Variants in SIPA1L1 observed in about 807,000 individuals in gnomAD.
SIPA1L1 encodes the protein signal induced proliferation associated 1 like 1.
SIPA1L1 carries 26 observed loss-of-function variants against 162.7 expected under a neutral mutation model. The observed-to-expected ratio is 0.16, with a 90% CI of 0.12 to 0.22. The LOEUF (loss-of-function observed/expected upper bound fraction) is 0.22. SIPA1L1 is among the 10% of genes least tolerant of loss of function. The probability of loss-of-function intolerance (pLI) is 1.00; values close to 1 mark genes in which losing one functional copy is unlikely to be tolerated. For missense variants in SIPA1L1, 1,874 were observed against 2,241.0 expected (o/e 0.84, Z 3.31); for synonymous variants, 829 against 837.4 (o/e 0.99, Z 0.17).
chr14:71,344,777 G>T (rs1306412079), intron 2 of SIPA1L1, among the ~76,000 whole-genome samples: 1 of 152,054 alleles, frequency 6.6e-6, no homozygotes, highest in Non-Finnish European at 1.5e-5. Flanking sequence ...CGTTACACAG[G>T]CTGCTCTCCA....
At chr14:71,577,730 CTTTTTTTTT>C (rs5809525) in intron 4 of SIPA1L1, among the ~76,000 whole-genome samples, 1 of 97,158 alleles carries the variant, frequency 1.0e-5, no homozygotes, top group Non-Finnish European at 1.9e-5. Flanking sequence ...TTGGGCATGC[CTTTTTTTTT>C]TTTTTTTTTT....
intron 2 of SIPA1L1, among the ~76,000 whole-genome samples, chr14:71,424,997 G>A (rs1389828600): frequency 6.6e-6 from 1 of 151,888 alleles, no homozygotes; most frequent in Admixed American, 6.6e-5. Context: ...GTAACATTTT[G>A]TATTTCTAGG....
chr14:71,375,641 T>C (rs1405405251), intron 2 of SIPA1L1, among the ~76,000 whole-genome samples: 3 of 152,180 alleles, frequency 2.0e-5, no homozygotes, highest in Non-Finnish European at 2.9e-5. Flanking sequence ...CAAGCATTCT[T>C]GCTTTACTCT....
chr14:71,552,148 G>A (rs2055899078), intron 4 of SIPA1L1, among the ~76,000 whole-genome samples: 1 of 152,058 alleles, frequency 6.6e-6, no homozygotes, highest in South Asian at 2.1e-4. Context: ...CAGAACAAGG[G>A]CCAGAAAATA....
At chr14:71,569,329 T>C (rs1245718620) in intron 4 of SIPA1L1, among the ~76,000 whole-genome samples, 3 of 152,170 alleles carry the variant, frequency 2.0e-5, no homozygotes, top group Admixed American at 6.5e-5. Context: ...ACCCCAGGAT[T>C]GGAGGGTCCC....
chr14:71,725,915 G>A (rs2084198635), intron 19 of SIPA1L1, among the ~76,000 whole-genome samples: 1 of 152,202 alleles, frequency 6.6e-6, no homozygotes, highest in African/African-American at 2.4e-5. Context: ...ATGGAAGCTA[G>A]AATATTTCCT....
At chr14:71,329,523 G>A (rs371539973) in intron 2 of SIPA1L1, among the ~76,000 whole-genome samples, 6 of 150,534 alleles carry the variant, frequency 4.0e-5, no homozygotes, top group African/African-American at 1.2e-4. Flanking sequence ...TCACTGCAAC[G>A]TCCACCTCCC....
At chr14:71,707,935 G>A (rs1039443627) in intron 16 of SIPA1L1, among the ~76,000 whole-genome samples, 9 of 148,708 alleles carry the variant, frequency 6.1e-5, no homozygotes, top group South Asian at 4.2e-4. Context: ...GTGGCATCTC[G>A]TGGTTTTGAT....
At chr14:71,684,955 A>G (rs1262694864) in intron 12 of SIPA1L1, among the ~76,000 whole-genome samples, 2 of 152,036 alleles carry the variant, frequency 1.3e-5, no homozygotes, top group African/African-American at 4.8e-5. Flanking sequence ...ACACCCTTTC[A>G]GAACCCAGTT....
Position 71,709,657 on chromosome 14 carries a change from C to A in SIPA1L1, c.4201C>A (p.His1401Asn). ...STFSINDAAS[H>N]TSTMSSRHSA... ...CTTCAGTATAAACGATGCTGCTTCC[C>A]ACACAAGGTAACCACCCTTCCCCGC... Residue 1401 changes from histidine to asparagine, a missense_variant, in exon 17 of 24, where the codon CAC becomes AAC. By Grantham distance (68) the His-to-Asn change is moderately conservative. Around this residue, in one of 5 missense-constraint regions of SIPA1L1, gnomAD observed 936 missense variants for 1,051.9 expected, o/e 0.89. Coordinates refer to ENST00000381232, the MANE Select transcript of SIPA1L1 (RefSeq NM_001386936.1). 1.2e-6 allele frequency: 2 copies of A among 1,610,652 alleles called. No homozygotes were observed. The highest frequency in any genetic ancestry group is 2.2e-5 in the South Asian group (2 of 90,658).
At chr14:71,592,084 C>T (rs1320467844) in intron 5 of SIPA1L1, among the ~76,000 whole-genome samples, 3 of 152,190 alleles carry the variant, frequency 2.0e-5, no homozygotes, top group African/African-American at 4.8e-5. Context: ...ACCTAGGGAT[C>T]ACCCACTAGA....
chr14:71,407,959 G>A (rs1183296392), intron 2 of SIPA1L1, among the ~76,000 whole-genome samples: 3 of 152,164 alleles, frequency 2.0e-5, no homozygotes, highest in African/African-American at 7.2e-5. Flanking sequence ...ACAATGGAAA[G>A]ACTTGATTTC....
intron 5 of SIPA1L1, among the ~76,000 whole-genome samples, chr14:71,615,690 G>A (rs2038758984): frequency 6.6e-6 from 1 of 152,144 alleles, no homozygotes; most frequent in African/African-American, 2.4e-5. Context: ...TGGGACAAAC[G>A]GTTCCATTAG....
chr14:71,430,664 T>C (rs2043920313), intron 2 of SIPA1L1, among the ~76,000 whole-genome samples: 1 of 152,206 alleles, frequency 6.6e-6, no homozygotes. Flanking sequence ...ATGTGTAGCT[T>C]CTCTCCCTTT....
chr14:71,450,986 G>C (rs1364459623), intron 2 of SIPA1L1, among the ~76,000 whole-genome samples: 1 of 152,102 alleles, frequency 6.6e-6, no homozygotes, highest in East Asian at 1.9e-4. Flanking sequence ...TGATAGCCAA[G>C]ATATGGAATC....
chr14:71,513,680 A>G (rs1275270446), intron 3 of SIPA1L1, among the ~76,000 whole-genome samples: 1 of 152,064 alleles, frequency 6.6e-6, no homozygotes, highest in Non-Finnish European at 1.5e-5. Context: ...TTCTATAGAA[A>G]TGGGGTCTTG....
intron 5 of SIPA1L1, among the ~76,000 whole-genome samples, chr14:71,614,218 CA>C (rs113098752): frequency 0.013 from 1,164 of 87,246 alleles, 3 homozygotes; most frequent in African/African-American, 0.03. Context: ...ACGCTGTCTC[CA>C]AAAAAAAAAA....
chr14:71,459,291 T>A (rs1281986748), intron 2 of SIPA1L1, among the ~76,000 whole-genome samples: 2 of 152,096 alleles, frequency 1.3e-5, no homozygotes, highest in African/African-American at 4.8e-5. Flanking sequence ...TTCTTTTAAG[T>A]CCTTACAATT....
chr14:71,602,728 G>A (rs1252400000), intron 5 of SIPA1L1, among the ~76,000 whole-genome samples: 1 of 152,222 alleles, frequency 6.6e-6, no homozygotes, highest in African/African-American at 2.4e-5. Flanking sequence ...TGCGCAGCAG[G>A]AGGTGAGCAG....
Sources: allele counts gnomAD v4.1 joint callset (sites outside exome capture counted in the v4.1 genomes callset), GRCh38; gene constraint gnomAD v4.1.1; regional missense constraint gnomAD v4.1.1; transcripts MANE v1.5; gene names NCBI Gene and HGNC (gene_info 2026-07-23, HGNC 2026-07-21).